Variants in SLC25A26 observed in about 807,000 individuals in gnomAD.
SLC25A26 encodes the protein solute carrier family 25 member 26.
SLC25A26 carries 36 observed loss-of-function variants against 37.8 expected under a neutral mutation model. The observed-to-expected ratio is 0.95, with a 90% CI of 0.73 to 1.26. SLC25A26 has a LOEUF of 1.26. Among genes scored for constraint, SLC25A26 ranks in the 50% most tolerant of loss-of-function variants. SLC25A26 has a pLI of 0.00. For synonymous variants in SLC25A26, 129 were observed against 122.5 expected (o/e 1.05, Z -0.35); for missense variants, 390 against 331.1 (o/e 1.18, Z -1.38).
At chr3:66,219,558 G>A (rs2106855965), upstream of SLC25A26, among the ~76,000 whole-genome samples, 1 of 152,326 alleles carries the variant, frequency 6.6e-6, no homozygotes, top group East Asian at 1.9e-4. Context: ...GGGCCTACAG[G>A]CAGCTTAGGG....
At chr3:66,221,757 T>G (rs960171972) in intron 1 of SLC25A26, among the ~76,000 whole-genome samples, 4 of 150,856 alleles carry the variant, frequency 2.7e-5, no homozygotes, top group African/African-American at 7.3e-5. Context: ...AAAAAAGTCC[T>G]TTACCAAATA....
chr3:66,189,546 T>G (rs1267316930), intron 1 of SLC25A26, among the ~76,000 whole-genome samples: 1 of 152,230 alleles, frequency 6.6e-6, no homozygotes, highest in Middle Eastern at 3.2e-3. Context: ...AGTTTGAACA[T>G]GAAATCTTAT....
chr3:66,356,207 T>C, intron 6 of SLC25A26: 1 of 391,724 alleles, frequency 2.6e-6, no homozygotes, highest in Non-Finnish European at 5.0e-6. Context: ...GGCTATACTT[T>C]AAATAGAAGA....
At chr3:66,365,256 A>G (rs1005861801) in intron 7 of SLC25A26, among the ~76,000 whole-genome samples, 3 of 152,218 alleles carry the variant, frequency 2.0e-5, no homozygotes, top group Admixed American at 6.5e-5. Flanking sequence ...TGCTTTTCCA[A>G]GTTTAAATTG....
intron 5 of SLC25A26, among the ~76,000 whole-genome samples, chr3:66,292,844 TG>T (rs546418123): frequency 2.9e-3 from 444 of 152,340 alleles, no homozygotes; most frequent in African/African-American, 9.9e-3. Flanking sequence ...CTTGCTAGGT[TG>T]GGGAAGTTCT....
At chr3:66,150,831 C>A (rs534940320) in intron 1 of SLC25A26, among the ~76,000 whole-genome samples, 1 of 151,308 alleles carries the variant, frequency 6.6e-6, no homozygotes, top group East Asian at 2.0e-4. Context: ...TTTTTCAGGA[C>A]TTATTGGATA....
chr3:66,198,020 G>A (rs1326228863), intron 1 of SLC25A26, among the ~76,000 whole-genome samples: 1 of 151,986 alleles, frequency 6.6e-6, no homozygotes, highest in Non-Finnish European at 1.5e-5. Context: ...GTCAGAGAAA[G>A]TGTCAGCTTG....
At chr3:66,176,617 G>C (rs945542083) in intron 1 of SLC25A26, among the ~76,000 whole-genome samples, 1 of 152,162 alleles carries the variant, frequency 6.6e-6, no homozygotes, top group African/African-American at 2.4e-5. Flanking sequence ...CAGAAAACAG[G>C]GTGTTAGAGT....
At chr3:66,358,113 T>C (rs964109396) in intron 6 of SLC25A26, among the ~76,000 whole-genome samples, 1 of 152,244 alleles carries the variant, frequency 6.6e-6, no homozygotes, top group African/African-American at 2.4e-5. Flanking sequence ...GTGAATGTCA[T>C]AATCAATACA....
At chr3:66,145,206 G>A (rs976230977) in intron 1 of SLC25A26, among the ~76,000 whole-genome samples, 4 of 152,192 alleles carry the variant, frequency 2.6e-5, no homozygotes, top group African/African-American at 9.7e-5. Flanking sequence ...TCATGTGAAA[G>A]GAGAAAGTGA....
chr3:66,320,498 C>G (rs554058820), intron 5 of SLC25A26, among the ~76,000 whole-genome samples: 2 of 152,134 alleles, frequency 1.3e-5, no homozygotes, highest in East Asian at 3.8e-4. Context: ...AATGGTCACC[C>G]GGGTTGTTTC....
chr3:66,302,674 A>G (rs554029174), intron 5 of SLC25A26, among the ~76,000 whole-genome samples: 2 of 152,318 alleles, frequency 1.3e-5, no homozygotes, highest in Admixed American at 6.5e-5. Context: ...AGTATGCATA[A>G]TAGTGTTTTG....
intron 1 of SLC25A26, among the ~76,000 whole-genome samples, chr3:66,186,441 C>A (rs2070829200): frequency 6.6e-6 from 1 of 151,850 alleles, no homozygotes; most frequent in African/African-American, 2.4e-5. Context: ...CTGAACTTGA[C>A]CTTTATCTTA....
At chr3:66,244,571 A>T (rs770187137) in intron 3 of SLC25A26, among the ~76,000 whole-genome samples, 1 of 152,236 alleles carries the variant, frequency 6.6e-6, no homozygotes, top group Non-Finnish European at 1.5e-5. Flanking sequence ...GTTTTAGTGA[A>T]TACTGCAGAG....
chr3:66,205,368 T>C (rs2071162998), intron 1 of SLC25A26, among the ~76,000 whole-genome samples: 1 of 152,224 alleles, frequency 6.6e-6, no homozygotes, highest in African/African-American at 2.4e-5. Context: ...CTCATAGGTG[T>C]AGCTATTGTT....
intron 5 of SLC25A26, among the ~76,000 whole-genome samples, chr3:66,335,229 T>C (rs1453466191): frequency 6.6e-6 from 1 of 152,200 alleles, no homozygotes; most frequent in Non-Finnish European, 1.5e-5. Context: ...AAGCAGATTA[T>C]TTGTAGATCT....
intron 1 of SLC25A26, among the ~76,000 whole-genome samples, chr3:66,174,982 T>C (rs1056776044): frequency 4.0e-5 from 6 of 151,410 alleles, no homozygotes; most frequent in African/African-American, 1.5e-4. Flanking sequence ...GAAGCCCAAC[T>C]GGTACACTGG....
chr3:66,240,545 G>A (rs2107081728), intron 2 of SLC25A26, among the ~76,000 whole-genome samples: 1 of 152,192 alleles, frequency 6.6e-6, no homozygotes, highest in African/African-American at 2.4e-5. Context: ...CCAAAGTGCT[G>A]GGATTACTGA....
chr3:66,348,370 G>A lies in SLC25A26; in HGVS notation c.498+1962G>A, dbSNP rs1204486253. ...AGACCTCAATGAATGTTATGCATGC[G>A]TGCACACACATATGTATCTAGGTTG... is the stretch of plus-strand genomic sequence containing the variant. On this transcript the variant is annotated intron_variant, in intron 6 of 9. Transcript: ENST00000354883. 5.9e-5 allele frequency among the ~76,000 whole-genome samples: 9 copies of A among 152,156 alleles called. No individual in the cohort carries two copies. In the East Asian group the frequency reaches 7.7e-4, roughly 13 times the overall value.
Sources: allele counts gnomAD v4.1 joint callset (sites outside exome capture counted in the v4.1 genomes callset), GRCh38; gene constraint gnomAD v4.1.1; transcripts MANE v1.5; gene names NCBI Gene and HGNC (gene_info 2026-07-23, HGNC 2026-07-21).